STK3: variants seen among roughly 807,000 people sequenced by gnomAD.
STK3 encodes the protein serine/threonine kinase 3.
Under a neutral mutation model 58.0 loss-of-function variants are expected in STK3, and 41 were observed. That is an observed-to-expected ratio of 0.71 (90% confidence interval 0.55 to 0.92). The LOEUF is 0.92. STK3 is among the 40% of genes least tolerant of loss of function. STK3 has a pLI of 0.00. For synonymous variants in STK3, 170 were observed against 191.0 expected (o/e 0.89, Z 0.91); for missense variants, 479 against 602.7 (o/e 0.79, Z 2.15).
chr8:98,562,388 C>G (rs904985197), intron 8 of STK3, among the ~76,000 whole-genome samples: 1 of 151,640 alleles, frequency 6.6e-6, no homozygotes, highest in African/African-American at 2.4e-5. Context: ...TTACAAAAAA[C>G]GTAGTGTTAA....
chr8:98,571,598 G>C (rs1412201895), intron 8 of STK3, among the ~76,000 whole-genome samples: 2 of 152,130 alleles, frequency 1.3e-5, no homozygotes, highest in Admixed American at 6.5e-5. Context: ...CAGACCATAA[G>C]AGGTCACCAG....
intron 1 of STK3, among the ~76,000 whole-genome samples, chr8:98,790,097 C>T (rs995400767): frequency 6.7e-6 from 1 of 149,228 alleles, no homozygotes; most frequent in Non-Finnish European, 1.5e-5. Context: ...ACCAGACATT[C>T]AAAGAAGAAT....
chr8:98,587,605 C>A (rs900730497), intron 7 of STK3, among the ~76,000 whole-genome samples: 1 of 152,042 alleles, frequency 6.6e-6, no homozygotes, highest in South Asian at 2.1e-4. Context: ...CTGTAGATGT[C>A]TATTAGTTCC....
At chr8:98,624,509 C>T (rs1238716868) in intron 6 of STK3, among the ~76,000 whole-genome samples, 1 of 151,788 alleles carries the variant, frequency 6.6e-6, no homozygotes, top group Non-Finnish European at 1.5e-5. Context: ...AGTATTGGTA[C>T]ATTGTTAGGA....
intron 8 of STK3, among the ~76,000 whole-genome samples, chr8:98,549,263 A>G (rs1234092950): frequency 6.6e-6 from 1 of 152,166 alleles, no homozygotes; most frequent in East Asian, 1.9e-4. Flanking sequence ...CCTTGGCAAC[A>G]CTTGTTATTT....
chr8:98,910,282 AT>A (rs888069127), intron 1 of STK3, among the ~76,000 whole-genome samples: 4 of 152,162 alleles, frequency 2.6e-5, no homozygotes, highest in Admixed American at 6.5e-5. Flanking sequence ...TTTTAAAGTA[AT>A]TTTTTTAAAC....
chr8:98,826,077 GC>G (rs1835286358), upstream of STK3, among the ~76,000 whole-genome samples: 1 of 152,140 alleles, frequency 6.6e-6, no homozygotes. Context: ...GAGCTAGGGG[GC>G]GAGGCCGGAG....
chr8:98,505,972 G>A lies in STK3; in HGVS notation c.1317+20770C>T, dbSNP rs534238419. On this transcript the variant is annotated intron_variant, in intron 10 of 10. Transcript: ENST00000419617. ...GTTTAAGTCTGCAGAAGTTTCTGCT[G>A]CCTTTTGTTCAGCTATGCCCTGCCC... Among the ~76,000 whole-genome samples the A allele has an allele frequency of 1.8e-4, 28 of 152,344 alleles. No individual in the cohort carries two copies. In the East Asian group the frequency reaches 4.6e-3, roughly 25 times the overall value.
intron 3 of STK3, among the ~76,000 whole-genome samples, chr8:98,405,752 TGGCAGAA>T (rs1817987236): frequency 6.6e-6 from 1 of 152,198 alleles, no homozygotes. Context: ...CTCACAATCA[TGGCAGAA>T]GGCAAAGAAG....
chr8:98,720,781 G>A (rs894150266), intron 4 of STK3, among the ~76,000 whole-genome samples: 1 of 151,690 alleles, frequency 6.6e-6, no homozygotes. Context: ...AAAAACTGGG[G>A]GTTTTGAGAC....
intron 3 of STK3, among the ~76,000 whole-genome samples, chr8:98,878,470 A>G (rs961217868): frequency 1.3e-5 from 2 of 152,158 alleles, no homozygotes; most frequent in Non-Finnish European, 2.9e-5. Context: ...ACCCTGACTC[A>G]TTCTGATTAC....
chr8:98,655,000 G>GAAAA (rs1207671682), intron 6 of STK3, among the ~76,000 whole-genome samples: 1 of 146,858 alleles, frequency 6.8e-6, no homozygotes, highest in Non-Finnish European at 1.5e-5. Flanking sequence ...AGTTCATATG[G>GAAAA]AAAAAAAAAA....
At chr8:98,680,004 AAAGT>A (rs1276897713) in intron 6 of STK3, among the ~76,000 whole-genome samples, 1 of 152,316 alleles carries the variant, frequency 6.6e-6, no homozygotes, top group Non-Finnish European at 1.5e-5. Context: ...TTGGTACTAA[AAAGT>A]AAGCAAAACT....
chr8:98,833,251 AT>A (rs1835607279), intron 3 of STK3, among the ~76,000 whole-genome samples: 1 of 152,078 alleles, frequency 6.6e-6, no homozygotes, highest in South Asian at 2.1e-4. Context: ...GGATCCAAAG[AT>A]TTTCTGATTG....
At chr8:98,874,797 T>G (rs1187934010) in intron 3 of STK3, among the ~76,000 whole-genome samples, 1 of 151,732 alleles carries the variant, frequency 6.6e-6, no homozygotes, top group African/African-American at 2.4e-5. Context: ...CTGCTACTTT[T>G]TTTTTTTTTA....
chr8:98,397,025 T>C (rs1817902754), downstream of STK3, among the ~76,000 whole-genome samples: 4 of 152,232 alleles, frequency 2.6e-5, no homozygotes, highest in South Asian at 8.3e-4. Context: ...GTTACACTAA[T>C]TACCGAAGGT....
At chr8:98,346,033 C>T in the STK3 span, among the ~76,000 whole-genome samples, 5 of 152,150 alleles carry the variant, frequency 3.3e-5, no homozygotes, top group East Asian at 1.9e-4. Flanking sequence ...CACCTGTAAT[C>T]CCAGCACTTT....
intron 10 of STK3, among the ~76,000 whole-genome samples, chr8:98,495,281 G>T (rs1241262792): frequency 2.0e-5 from 3 of 152,026 alleles, no homozygotes; most frequent in Non-Finnish European, 2.9e-5. Context: ...TTTCTATCTG[G>T]GATAGAAGAT....
chr8:98,585,676 T>C (rs1814481047), intron 7 of STK3, among the ~76,000 whole-genome samples: 1 of 151,720 alleles, frequency 6.6e-6, no homozygotes, highest in African/African-American at 2.4e-5. Flanking sequence ...AATCTGTAAA[T>C]TACCTTGGGC....
Sources: gnomAD v4.1 joint callset for allele counts (sites outside exome capture counted in the v4.1 genomes callset) on GRCh38, gnomAD v4.1.1 for gene constraint, MANE v1.5 for transcripts, NCBI Gene and HGNC (gene_info 2026-07-23, HGNC 2026-07-21) for gene names.